Variants in NSRP1 observed in about 807,000 individuals in gnomAD.
NSRP1 encodes coiled-coil domain containing 55.
Under a neutral mutation model 54.7 loss-of-function variants are expected in NSRP1, and 24 were observed. That is an observed-to-expected ratio of 0.44 (90% CI 0.32 to 0.62). The LOEUF is 0.62. NSRP1 is among the 20% of genes least tolerant of loss of function. NSRP1 has a pLI of 0.06. For synonymous variants in NSRP1, 210 were observed against 213.8 expected (o/e 0.98, Z 0.15); for missense variants, 596 against 651.2 (o/e 0.92, Z 0.92).
chr17:30,137,346 C>G (rs2071759429), intron 2 of NSRP1, among the ~76,000 whole-genome samples: 1 of 152,156 alleles, frequency 6.6e-6, no homozygotes. Flanking sequence ...TACTTCCTAC[C>G]TTCTTGATAT....
At chr17:30,154,913 A>T (rs866711685) in intron 2 of NSRP1, among the ~76,000 whole-genome samples, 2 of 152,144 alleles carry the variant, frequency 1.3e-5, no homozygotes, top group Admixed American at 6.5e-5. Context: ...TGGATTAGGG[A>T]TATTCAGCCT....
intron 2 of NSRP1, among the ~76,000 whole-genome samples, chr17:30,151,859 C>T (rs969811314): frequency 6.8e-6 from 1 of 147,578 alleles, no homozygotes; most frequent in Non-Finnish European, 1.5e-5. Flanking sequence ...CTCAGCTCAC[C>T]GCATCCTCCG....
Position 30,185,408 on chromosome 17 carries a change from A to C in NSRP1, c.1411A>C (p.Arg471=), listed in dbSNP as rs536237856. ...RAKDKFLDQE[R]SNKMRNMAKD... is the part of the protein sequence containing the mutation. ...AAAGGATAAATTTCTTGACCAAGAAAGATCCAACAAAATGAGAAACATGGC... is the reference window on the plus strand; with the variant it reads ...AAAGGATAAATTTCTTGACCAAGAACGATCCAACAAAATGAGAAACATGGC... Residue 471 remains arginine (R), a synonymous_variant, in exon 7 of 7, where the codon AGA becomes CGA. Coordinates refer to ENST00000247026, the MANE Select transcript of NSRP1 (RefSeq NM_032141.4). 36 of 1,610,694 alleles carry C rather than the reference A, an allele frequency of 2.2e-5. No homozygotes were observed. The African/African-American group carries it at 4.3e-4, about 19-fold the overall frequency.
chr17:30,161,328 T>C (rs1185958281), intron 2 of NSRP1, among the ~76,000 whole-genome samples: 4 of 152,188 alleles, frequency 2.6e-5, no homozygotes, highest in Non-Finnish European at 4.4e-5. Context: ...TTCTTTCTTA[T>C]ACTAGGTTTC....
At chr17:30,154,935 A>G (rs1056083034) in intron 2 of NSRP1, among the ~76,000 whole-genome samples, 4 of 152,034 alleles carry the variant, frequency 2.6e-5, no homozygotes, top group African/African-American at 7.2e-5. Flanking sequence ...TACTTCCTTT[A>G]TTTTCAAAGA....
At chr17:30,184,589 G>A (rs771605481) in intron 6 of NSRP1, 26 bp from the exon 7 acceptor site, 1 of 1,521,380 alleles carries the variant, frequency 6.6e-7, no homozygotes, top group African/African-American at 1.4e-5. Context: ...ATTTTTTTCT[G>A]CCCTTTTTTG....
At chr17:30,163,780 C>T (rs1370275344) in intron 2 of NSRP1, among the ~76,000 whole-genome samples, 1 of 149,354 alleles carries the variant, frequency 6.7e-6, no homozygotes, top group Admixed American at 6.8e-5. Flanking sequence ...CTCCTGGGTG[C>T]AAGCAATTCT....
At chr17:30,163,384 C>T (rs968606720) in intron 2 of NSRP1, among the ~76,000 whole-genome samples, 3 of 151,720 alleles carry the variant, frequency 2.0e-5, no homozygotes, top group African/African-American at 7.3e-5. Flanking sequence ...TAATTCTTTT[C>T]TGATGGTTAC....
intron 2 of NSRP1, among the ~76,000 whole-genome samples, chr17:30,134,817 A>G (rs1222575139): frequency 1.3e-5 from 2 of 152,228 alleles, no homozygotes; most frequent in Non-Finnish European, 2.9e-5. Flanking sequence ...GGCAAAGATC[A>G]GGTTGACTTC....
intron 2 of NSRP1, among the ~76,000 whole-genome samples, chr17:30,169,758 A>G (rs993603133): frequency 6.6e-6 from 1 of 151,768 alleles, no homozygotes; most frequent in Non-Finnish European, 1.5e-5. Flanking sequence ...TACTTATTTA[A>G]TTTTTTAAAT....
At chr17:30,147,127 C>A (rs1237201654) in intron 2 of NSRP1, among the ~76,000 whole-genome samples, 1 of 115,118 alleles carries the variant, frequency 8.7e-6, no homozygotes, top group Non-Finnish European at 1.8e-5. Context: ...TTTTTCTTTT[C>A]TTTTCTTTTT....
chr17:30,136,859 C>T (rs1277334349), intron 2 of NSRP1, among the ~76,000 whole-genome samples: 1 of 152,126 alleles, frequency 6.6e-6, no homozygotes, highest in Non-Finnish European at 1.5e-5. Flanking sequence ...TAATTATACA[C>T]ACACACATTT....
At chr17:30,136,855 TAC>T (rs1202006288) in intron 2 of NSRP1, among the ~76,000 whole-genome samples, 3 of 152,194 alleles carry the variant, frequency 2.0e-5, no homozygotes, top group Non-Finnish European at 2.9e-5. Context: ...GTAGTAATTA[TAC>T]ACACACACAT....
At chr17:30,125,350 A>G (rs985687698) in intron 2 of NSRP1, among the ~76,000 whole-genome samples, 1 of 152,220 alleles carries the variant, frequency 6.6e-6, no homozygotes, top group Admixed American at 6.5e-5. Context: ...AAAGCATTTG[A>G]TACACCTGGA....
chr17:30,152,441 T>C (rs2071920985), intron 2 of NSRP1, among the ~76,000 whole-genome samples: 1 of 151,662 alleles, frequency 6.6e-6, no homozygotes, highest in Non-Finnish European at 1.5e-5. Context: ...TTTTTTTTTT[T>C]TGGTCATTTG....
chr17:30,171,409 G>A (rs1301146198), intron 2 of NSRP1, among the ~76,000 whole-genome samples: 1 of 150,028 alleles, frequency 6.7e-6, no homozygotes, highest in Non-Finnish European at 1.5e-5. Flanking sequence ...AGGTGCAAGT[G>A]ATTCTCATGT....
At chr17:30,138,925 T>TTTG (rs2151886048) in intron 2 of NSRP1, among the ~76,000 whole-genome samples, 1 of 139,392 alleles carries the variant, frequency 7.2e-6, no homozygotes, top group Admixed American at 7.3e-5. Context: ...TTTTTTTTTT[T>TTTG]TTTTTTTTTT....
chr17:30,116,957 G>T, intron 1 of NSRP1, 94 bp downstream of exon 1: 1 of 1,439,004 alleles, frequency 6.9e-7, no homozygotes, highest in Non-Finnish European at 9.6e-7. Flanking sequence ...TGGAAGTGAA[G>T]GGACTGTGTC....
chr17:30,167,468 G>A (rs894579321), intron 2 of NSRP1, among the ~76,000 whole-genome samples: 3 of 152,152 alleles, frequency 2.0e-5, no homozygotes, highest in African/African-American at 4.8e-5. Flanking sequence ...AATTAGCTGG[G>A]CATGGTGGTG....
Sources: allele counts gnomAD v4.1 joint callset (sites outside exome capture counted in the v4.1 genomes callset), GRCh38; gene constraint gnomAD v4.1.1; transcripts MANE v1.5; gene names NCBI Gene and HGNC (gene_info 2026-07-23, HGNC 2026-07-21).